The following NFIL3 variants were observed in gnomAD, a reference collection of about 807,000 sequenced individuals.
NFIL3 encodes nuclear factor interleukin-3-regulated protein.
NFIL3 carries 5 observed loss-of-function variants against 10.0 expected under a neutral mutation model. The ratio of observed to expected loss-of-function variants is 0.50; its 90% confidence interval spans 0.26 to 1.06. NFIL3 has a LOEUF of 1.06. Among genes scored for constraint, NFIL3 ranks in the 50% least tolerant of loss-of-function variants. The pLI is 0.13. For missense variants in NFIL3, 436 were observed against 547.6 expected (o/e 0.80, Z 2.03); for synonymous variants, 202 against 206.5 (o/e 0.98, Z 0.19).
chr9:91,433,361 G>T, the NFIL3 span, among the ~76,000 whole-genome samples: 1 of 152,178 alleles, frequency 6.6e-6, no homozygotes, highest in African/African-American at 2.4e-5. Context: ...CCCTCTGAAG[G>T]TTATGGTGAG....
chr9:91,414,246 C>A (rs543516041), intron 1 of NFIL3, among the ~76,000 whole-genome samples: 3 of 152,314 alleles, frequency 2.0e-5, no homozygotes, highest in African/African-American at 7.2e-5. Flanking sequence ...TCTTGTTGCC[C>A]AGGCTGGAGT....
chr9:91,423,425 C>CA (rs1433950969), intron 1 of NFIL3, among the ~76,000 whole-genome samples: 4 of 152,138 alleles, frequency 2.6e-5, no homozygotes, highest in East Asian at 3.9e-4. Context: ...GCGCTGCAAT[C>CA]AAAGCAGCCA....
At chr9:91,444,855 G>A in the NFIL3 span, among the ~76,000 whole-genome samples, 1 of 152,136 alleles carries the variant, frequency 6.6e-6, no homozygotes, top group African/African-American at 2.4e-5. Context: ...AAGTGTCTTA[G>A]CTGAAGGAAT....
At chr9:91,437,569 T>A in the NFIL3 span, among the ~76,000 whole-genome samples, 1 of 152,256 alleles carries the variant, frequency 6.6e-6, no homozygotes, top group Non-Finnish European at 1.5e-5. Context: ...ACAATTTTAT[T>A]ATCTGTAATC....
intron 1 of NFIL3, among the ~76,000 whole-genome samples, chr9:91,415,376 T>G (rs1587964407): frequency 6.6e-6 from 1 of 152,188 alleles, no homozygotes; most frequent in Non-Finnish European, 1.5e-5. Context: ...AATTTTCAGA[T>G]AAGAAAACTA....
chr9:91,424,592 A>G (rs1430851825), upstream of NFIL3, among the ~76,000 whole-genome samples: 1 of 152,182 alleles, frequency 6.6e-6, no homozygotes, highest in Non-Finnish European at 1.5e-5. Context: ...CCGGGAGGGA[A>G]AGCTCCACGC....
chr9:91,409,232 C>T lies in NFIL3; in HGVS notation c.*114G>A, dbSNP rs1833488963. On this transcript the variant is annotated 3_prime_UTR_variant, in exon 2 of 2. Coordinates refer to ENST00000297689, the MANE Select transcript of NFIL3 (RefSeq NM_005384.3). The stretch of plus-strand genomic sequence containing the variant: ...AAAGACACCAAACAGACAACATGTG[C>T]ACATCACAGTGAAATGACATCACAG... 4 of 959,890 alleles carry T rather than the reference C, an allele frequency of 4.2e-6. No individual in the cohort carries two copies. The highest frequency in any genetic ancestry group is 6.1e-6 in the Non-Finnish European group (4 of 652,432). 59.5% of individuals were successfully genotyped at this position (959,890 alleles called of 1,614,324 possible).
At chr9:91,425,700 A>T (rs1196507333), upstream of NFIL3, among the ~76,000 whole-genome samples, 2 of 152,134 alleles carry the variant, frequency 1.3e-5, no homozygotes, top group African/African-American at 4.8e-5. Flanking sequence ...TTGGCCTGGA[A>T]CTCCTGGGCT....
chr9:91,476,958 G>A, the NFIL3 span, among the ~76,000 whole-genome samples: 1 of 152,178 alleles, frequency 6.6e-6, no homozygotes, highest in Non-Finnish European at 1.5e-5. Flanking sequence ...ATTAGAAAGG[G>A]AAGAGCAAAA....
At chr9:91,452,396 CA>C in the NFIL3 span, among the ~76,000 whole-genome samples, 1 of 152,118 alleles carries the variant, frequency 6.6e-6, no homozygotes, top group Non-Finnish European at 1.5e-5. Flanking sequence ...TGGAAGCCCC[CA>C]TTTTCAGTTG....
At chr9:91,429,737 C>A in the NFIL3 span, among the ~76,000 whole-genome samples, 1 of 152,010 alleles carries the variant, frequency 6.6e-6, no homozygotes, top group Non-Finnish European at 1.5e-5. Flanking sequence ...TGCTCTCAGG[C>A]GGTGCATGTA....
intron 1 of NFIL3, among the ~76,000 whole-genome samples, chr9:91,417,323 T>C (rs1833675793): frequency 6.6e-6 from 1 of 152,212 alleles, no homozygotes; most frequent in South Asian, 2.1e-4. Flanking sequence ...ACCTAAGTTA[T>C]GTTAAACTGT....
At chr9:91,422,558 CCTCT>C (rs899241632) in intron 1 of NFIL3, among the ~76,000 whole-genome samples, 6 of 152,152 alleles carry the variant, frequency 3.9e-5, no homozygotes, top group African/African-American at 9.7e-5. Context: ...TAATTAGCTC[CCTCT>C]CTCTATGCTC....
the NFIL3 span, among the ~76,000 whole-genome samples, chr9:91,480,938 C>T: frequency 2.0e-5 from 3 of 152,122 alleles, no homozygotes; most frequent in Admixed American, 6.5e-5. Context: ...CAGCTGACAG[C>T]GGAGCAGGGA....
the NFIL3 span, among the ~76,000 whole-genome samples, chr9:91,432,831 A>G: frequency 6.6e-6 from 1 of 152,230 alleles, no homozygotes; most frequent in Admixed American, 6.5e-5. Flanking sequence ...TCAGAAGTAT[A>G]GCTATTTTGA....
intron 1 of NFIL3, among the ~76,000 whole-genome samples, chr9:91,421,333 C>T (rs946907378): frequency 2.0e-5 from 3 of 151,836 alleles, no homozygotes; most frequent in Non-Finnish European, 4.4e-5. Context: ...AGCGCCCGGG[C>T]TCCACGGGCC....
the NFIL3 span, among the ~76,000 whole-genome samples, chr9:91,446,299 G>T: frequency 4.6e-5 from 7 of 152,250 alleles, no homozygotes; most frequent in East Asian, 1.2e-3. Context: ...CCTTCTCTAC[G>T]TAGCCATACT....
the NFIL3 span, among the ~76,000 whole-genome samples, chr9:91,464,719 TTG>T: frequency 6.6e-6 from 1 of 152,110 alleles, no homozygotes; most frequent in Non-Finnish European, 1.5e-5. Context: ...AATTTTCTGT[TTG>T]TGTTTGTCTT....
chr9:91,424,257 T>A (rs1304049071), upstream of NFIL3, among the ~76,000 whole-genome samples: 3 of 151,962 alleles, frequency 2.0e-5, no homozygotes, highest in Admixed American at 2.0e-4. Context: ...CCCGCGACCC[T>A]CACTTGCTCG....
Sources: allele counts gnomAD v4.1 joint callset (sites outside exome capture counted in the v4.1 genomes callset), GRCh38; gene constraint gnomAD v4.1.1; transcripts MANE v1.5; gene names NCBI Gene and HGNC (gene_info 2026-07-23, HGNC 2026-07-21).